The following RYR2 variants were observed in gnomAD, a reference collection of about 807,000 sequenced individuals.
RYR2 encodes the protein cardiac muscle ryanodine receptor-calcium release channel.
In RYR2, 227 loss-of-function variants were observed where a neutral mutation model predicts 601.1. That is an observed-to-expected ratio of 0.38 (90% CI 0.34 to 0.42). The LOEUF is 0.42. RYR2 is among the 10% of genes least tolerant of loss of function. The probability of loss-of-function intolerance (pLI) is 1.00; values close to 1 mark genes in which losing one functional copy is unlikely to be tolerated. For missense variants in RYR2, 4,646 were observed against 6,156.5 expected, an observed-to-expected ratio of 0.75 and a Z score of 8.21; for synonymous variants, 2,223 against 2,175.1, an observed-to-expected ratio of 1.02 and a Z score of -0.61.
At chr1:237,054,175 C>CCTTCCCTCCCTCCCTT (rs1260403066) in intron 1 of RYR2, among the ~76,000 whole-genome samples, 3 of 151,164 alleles carry the variant, frequency 2.0e-5, no homozygotes, top group East Asian at 2.0e-4. Context: ...CTCCCTCCCT[C>CCTTCCCTCCCTCCCTT]CTTCCCTCCC....
intron 1 of RYR2, among the ~76,000 whole-genome samples, chr1:237,218,800 A>G (rs1157861924): frequency 1.3e-5 from 2 of 152,068 alleles, no homozygotes; most frequent in African/African-American, 4.8e-5. Context: ...ATGGTAATCA[A>G]AAGAACAAGC....
chr1:237,610,729 C>T lies in RYR2; in HGVS notation c.4684-33C>T. On this transcript the variant is annotated intron_variant, in intron 35 of 104. Transcript: ENST00000366574. This position sits in a 1 kb window ranked among gnomAD's most constrained non-coding sequence, Gnocchi z 4.9. ...TTTGTGAACCCCAAGGGATGTTCTACATTTATTCTTTTTCTGCCTCCCCAT... is the reference window on the plus strand; with the variant it reads ...TTTGTGAACCCCAAGGGATGTTCTATATTTATTCTTTTTCTGCCTCCCCAT... 6.6e-7 allele frequency: 1 copy of T among 1,525,688 alleles called. No homozygotes were observed. Among genetic ancestry groups the T allele is most frequent in the Non-Finnish European group, 8.9e-7 (1 of 1,122,796 alleles). 94.5% of individuals were successfully genotyped at this position (1,525,688 alleles called of 1,614,324 possible).
chr1:237,592,026 T>C (rs1321068567), intron 32 of RYR2, among the ~76,000 whole-genome samples, 173 bp downstream of exon 32: 1 of 152,344 alleles, frequency 6.6e-6, no homozygotes, highest in East Asian at 1.9e-4. Context: ...CGTATTATGA[T>C]GGATATTATG....
chr1:237,072,613 C>T (rs989603084), intron 1 of RYR2, among the ~76,000 whole-genome samples: 4 of 151,978 alleles, frequency 2.6e-5, no homozygotes, highest in Non-Finnish European at 5.9e-5. Context: ...TTTGGAAACT[C>T]GTATTTAATC....
At chr1:237,457,054 T>A (rs770720620) in intron 16 of RYR2, among the ~76,000 whole-genome samples, 23 of 152,192 alleles carry the variant, frequency 1.5e-4, no homozygotes, top group Middle Eastern at 3.2e-3. Flanking sequence ...AAAATCCATC[T>A]CTGAGTGAGA....
At chr1:237,387,131 T>C in intron 8 of RYR2, 150 bp from the exon 9 acceptor site, 2 of 687,348 alleles carry the variant, frequency 2.9e-6, no homozygotes, top group Non-Finnish European at 5.2e-6. Flanking sequence ...TTCTTCTGAC[T>C]AGTTTTTTGA....
chr1:237,362,084 C>T (rs1490669480), intron 4 of RYR2, among the ~76,000 whole-genome samples: 1 of 152,174 alleles, frequency 6.6e-6, no homozygotes, highest in Non-Finnish European at 1.5e-5. Context: ...GTTAATGTGG[C>T]ATGTGCCCCC....
At chr1:237,831,976 T>C (rs1427175980) in intron 104 of RYR2, among the ~76,000 whole-genome samples, 6 of 152,170 alleles carry the variant, frequency 3.9e-5, no homozygotes, top group Admixed American at 2.0e-4. Flanking sequence ...TGCAGATTGT[T>C]AGTAGTTTGA....
chr1:237,162,494 TCAA>T (rs941304576), intron 1 of RYR2, among the ~76,000 whole-genome samples: 4 of 152,016 alleles, frequency 2.6e-5, no homozygotes, highest in African/African-American at 7.3e-5. Flanking sequence ...TCAATATTAC[TCAA>T]CAACAACAAA....
chr1:237,141,211 G>A (rs1673354853), intron 1 of RYR2, among the ~76,000 whole-genome samples: 1 of 152,064 alleles, frequency 6.6e-6, no homozygotes, highest in Non-Finnish European at 1.5e-5. Flanking sequence ...AAACAATGTT[G>A]GTAGGTGTCC....
chr1:237,251,127 C>T (rs781212182), intron 1 of RYR2, among the ~76,000 whole-genome samples: 20 of 151,802 alleles, frequency 1.3e-4, no homozygotes, highest in African/African-American at 4.8e-4. Context: ...TTGTCTGTTT[C>T]GATCTTTCCT....
intron 1 of RYR2, among the ~76,000 whole-genome samples, chr1:237,219,311 C>A (rs1344237974): frequency 2.0e-5 from 3 of 152,188 alleles, no homozygotes; most frequent in Non-Finnish European, 4.4e-5. Context: ...AGCCACTGCA[C>A]CCGGCCTATA....
chr1:237,612,185 G>C (rs183869877), intron 36 of RYR2, among the ~76,000 whole-genome samples: 1 of 152,136 alleles, frequency 6.6e-6, no homozygotes, highest in South Asian at 2.1e-4. Flanking sequence ...TTAAGTGAAA[G>C]AATCCTACTA....
At chr1:237,437,683 T>C (rs1038673856) in intron 12 of RYR2, among the ~76,000 whole-genome samples, 5 of 152,168 alleles carry the variant, frequency 3.3e-5, no homozygotes, top group Non-Finnish European at 7.4e-5. Context: ...TGAGAGTACA[T>C]GAATGAAAAG....
In RYR2 at chr1:237,674,232, A is replaced by G. The variant is rs876657579; in HGVS notation, c.8714+13A>G. 6 of 1,597,192 alleles carry G rather than the reference A, an allele frequency of 3.8e-6. No homozygotes were observed. Among genetic ancestry groups the G allele is most frequent in the Non-Finnish European group, 5.1e-6 (6 of 1,165,432 alleles). ...ATGCTGTATCCAGGTAAAAGTACAC[A>G]TACCCTAAGTACACACTCTTTTCAC... is the stretch of plus-strand genomic sequence containing the variant. On this transcript the variant is annotated intron_variant, in intron 59 of 104. Transcript: ENST00000366574.
At chr1:237,717,882 T>A (rs767875350) in intron 72 of RYR2, among the ~76,000 whole-genome samples, 3 of 152,196 alleles carry the variant, frequency 2.0e-5, no homozygotes, top group Non-Finnish European at 2.9e-5. Context: ...GGATGCAATA[T>A]TTTGTACATT....
intron 1 of RYR2, among the ~76,000 whole-genome samples, chr1:237,259,358 A>AC (rs1212496986): frequency 6.6e-6 from 1 of 151,992 alleles, no homozygotes; most frequent in Non-Finnish European, 1.5e-5. Flanking sequence ...AAATACAAAA[A>AC]TTAGCCAGGC....
At chr1:237,112,357 G>T (rs569516667) in intron 1 of RYR2, among the ~76,000 whole-genome samples, 76 of 152,102 alleles carry the variant, frequency 5.0e-4, no homozygotes, top group African/African-American at 1.7e-3. Context: ...CAGGTGATCC[G>T]CCCGCCTCGG....
At chr1:237,665,939 C>A (rs1468079308) in intron 56 of RYR2, among the ~76,000 whole-genome samples, 2 of 152,026 alleles carry the variant, frequency 1.3e-5, no homozygotes, top group South Asian at 4.2e-4. Flanking sequence ...GAGGTAAGTG[C>A]CCAGGATGGT....
Sources: gnomAD v4.1 joint callset for allele counts (sites outside exome capture counted in the v4.1 genomes callset) on GRCh38, gnomAD v4.1.1 for gene constraint, Gnocchi (gnomAD v3.1) non-coding constraint, MANE v1.5 for transcripts, NCBI Gene and HGNC (gene_info 2026-07-23, HGNC 2026-07-21) for gene names.